EVC2: variants seen among roughly 807,000 people sequenced by gnomAD.
The protein encoded by EVC2 is EvC ciliary complex subunit 2, also known as limbin.
Under a neutral mutation model 149.3 loss-of-function variants are expected in EVC2, and 148 were observed. The ratio of observed to expected loss-of-function variants is 0.99; its 90% CI spans 0.87 to 1.14. The LOEUF (loss-of-function observed/expected upper bound fraction) is 1.14, where lower values mean the gene tolerates loss of function less well. Ranked by LOEUF, EVC2 falls within the 50% of genes most tolerant of loss-of-function variation. The probability of loss-of-function intolerance (pLI) is 0.00; values close to 1 mark genes in which losing one functional copy is unlikely to be tolerated. For synonymous variants in EVC2, 776 were observed against 649.9 expected, an observed-to-expected ratio of 1.19 and a Z score of -2.95; for missense variants, 1,854 against 1,627.3, an observed-to-expected ratio of 1.14 and a Z score of -2.40.
downstream of EVC2, among the ~76,000 whole-genome samples, chr4:5,542,435 A>G (rs766956222): frequency 2.0e-5 from 3 of 152,176 alleles, no homozygotes; most frequent in Non-Finnish European, 4.4e-5. Flanking sequence ...AGCCTGGGCA[A>G]TGGAGTGAGA....
intron 9 of EVC2, among the ~76,000 whole-genome samples, chr4:5,641,295 T>C (rs186073584): frequency 1.7e-4 from 26 of 152,310 alleles, no homozygotes; most frequent in African/African-American, 6.0e-4. Context: ...AAAATCTGAA[T>C]AAAGCATGGA....
Position 5,685,681 on chromosome 4 carries a change from G to A in EVC2, c.707-202C>T, listed in dbSNP as rs536491050. 6.0e-4 allele frequency among the ~76,000 whole-genome samples: 92 copies of A among 152,310 alleles called. 1 individual carries two copies. The highest frequency in any genetic ancestry group is 2.2e-3 in the African/African-American group (92 of 41,568). On this transcript the variant is annotated intron_variant, in intron 5 of 21. Coordinates refer to ENST00000344408, the MANE Select transcript of EVC2 (RefSeq NM_147127.5). The stretch of plus-strand genomic sequence containing the variant: ...GGGAATTCTCTGAGTAGTAAGCTGG[G>A]GAGAGTGAGCTGGGTGGACTCCTGG...
At chr4:5,668,793 A>G (rs116192838) in intron 7 of EVC2, among the ~76,000 whole-genome samples, 222 of 152,322 alleles carry the variant, frequency 1.5e-3, no homozygotes, top group Middle Eastern at 3.4e-3. Flanking sequence ...CAAAACGCCA[A>G]TCTCTGGGCT....
Position 5,708,341 on chromosome 4 carries a change from G to A in EVC2, c.173C>T (p.Pro58Leu), listed in dbSNP as rs1722350611. 3 of 1,483,212 alleles carry A rather than the reference G, an allele frequency of 2.0e-6. No individual in the cohort carries two copies. The highest frequency in any genetic ancestry group is 1.8e-4 in the Middle Eastern group (1 of 5,686). The allele number at this position is 1,483,212 out of a possible 1,614,324, so 91.9% of individuals were successfully genotyped here. Residue 58 changes from proline to leucine, a missense_variant, in exon 1 of 22, where the codon CCC becomes CTC. Coordinates refer to ENST00000344408, the MANE Select transcript of EVC2 (RefSeq NM_147127.5). Reference protein sequence around the residue: ...RDPQVAPRSGPGLRIPPGRSG... With the variant: ...RDPQVAPRSGLGLRIPPGRSG... ...CCGCCCCGGAGGGATCCTCAGGCCG[G>A]GCCCAGACCTAGGAGCCACCTGGGG... is the stretch of plus-strand genomic sequence containing the variant.
chr4:5,635,718 G>A (rs890552734), intron 10 of EVC2, among the ~76,000 whole-genome samples: 1 of 152,226 alleles, frequency 6.6e-6, no homozygotes, highest in Non-Finnish European at 1.5e-5. Flanking sequence ...GAAAATGTCA[G>A]AATTCTTGTG....
At chr4:5,666,151 T>C (rs1007193343) in intron 7 of EVC2, among the ~76,000 whole-genome samples, 21 of 152,240 alleles carry the variant, frequency 1.4e-4, no homozygotes, top group African/African-American at 4.8e-4. Context: ...TTCTGACTGG[T>C]GAGATTAGTG....
At chr4:5,552,404 T>C (rs1721754054) in intron 21 of EVC2, among the ~76,000 whole-genome samples, 1 of 152,222 alleles carries the variant, frequency 6.6e-6, no homozygotes, top group South Asian at 2.1e-4. Context: ...TTCTATTTCT[T>C]AGAGTTAATA....
intron 7 of EVC2, among the ~76,000 whole-genome samples, chr4:5,673,803 T>G (rs1165999222): frequency 6.6e-6 from 1 of 152,240 alleles, no homozygotes; most frequent in Non-Finnish European, 1.5e-5. Flanking sequence ...CTTCATTATG[T>G]ACTAAATATA....
chr4:5,637,253 A>G lies in EVC2; in HGVS notation c.1470+3261T>C, dbSNP rs146117905. Among the ~76,000 whole-genome samples, 436 of 152,298 alleles carry G rather than the reference A, an allele frequency of 2.9e-3. 2 individuals are homozygous for G. The highest frequency in any genetic ancestry group is 0.01 in the African/African-American group (427 of 41,554). ...AGAAACATTCTAGGTGCCCCACAGG[A>G]CGGGTTCACATGGGGCGCACAGCAG... On this transcript the variant is annotated intron_variant, in intron 10 of 21. Coordinates refer to ENST00000344408, the MANE Select transcript of EVC2 (RefSeq NM_147127.5). The surrounding 1 kb of genome is among the most constrained non-coding windows in gnomAD (Gnocchi z 4.4).
At position 5,562,681 on chromosome 4, in the gene EVC2, A is replaced by T; in HGVS notation, c.*167T>A. On this transcript the variant is annotated 3_prime_UTR_variant, in exon 22 of 22. Coordinates refer to ENST00000344408, the MANE Select transcript of EVC2 (RefSeq NM_147127.5). The surrounding 1 kb of genome is among the most constrained non-coding windows in gnomAD (Gnocchi z 4.3). ...AGTGGGCCATCTGGAAATTCATGAG[A>T]CAAGATTAAACCGAGTCCCTGCAAG... The T allele has an allele frequency of 6.8e-7, 1 of 1,480,758 alleles. No homozygotes were observed. The highest frequency in any genetic ancestry group is 8.9e-7 in the Non-Finnish European group (1 of 1,123,730). 91.7% of individuals were successfully genotyped at this position (1,480,758 alleles called of 1,614,324 possible). A position where few individuals can be genotyped will look rare whatever the true frequency, so the allele number is the denominator to read the frequency against.
rs545759430 is a variant in EVC2, at chr4:5,657,271, C to T, written c.1145+5836G>A. On this transcript the variant is annotated intron_variant, in intron 9 of 21. Coordinates refer to ENST00000344408, the MANE Select transcript of EVC2 (RefSeq NM_147127.5). The surrounding 1 kb of genome is among the most constrained non-coding windows in gnomAD (Gnocchi z 4.7). ...CCTCCTCTGCTGTCCTCACCTTGAA[C>T]TTCATTGAGAAGCATCTGACAGGTT... Among the ~76,000 whole-genome samples the T allele has an allele frequency of 2.5e-4, 38 of 152,254 alleles. No individual in the cohort carries two copies. Among genetic ancestry groups the T allele is most frequent in the African/African-American group, 9.1e-4 (38 of 41,554 alleles).
intron 1 of EVC2, among the ~76,000 whole-genome samples, chr4:5,705,105 G>C (rs1487978638): frequency 6.6e-6 from 1 of 152,122 alleles, no homozygotes; most frequent in Non-Finnish European, 1.5e-5. Context: ...CTGATTTTTT[G>C]TTGTTCTTTT....
intron 5 of EVC2, among the ~76,000 whole-genome samples, chr4:5,687,640 G>C (rs913587257): frequency 6.6e-6 from 1 of 152,188 alleles, no homozygotes; most frequent in Admixed American, 6.5e-5. Context: ...AGGTCCCAAA[G>C]AATAGAGATG....
At chr4:5,584,521 G>T in intron 17 of EVC2, 102 bp downstream of exon 17, 1 of 1,201,192 alleles carries the variant, frequency 8.3e-7, no homozygotes, top group Non-Finnish European at 1.2e-6. Context: ...CCACAGCACA[G>T]ACAGGACGGG....
downstream of EVC2, among the ~76,000 whole-genome samples, chr4:5,537,798 A>G (rs1420011511): frequency 6.6e-6 from 1 of 152,226 alleles, no homozygotes; most frequent in African/African-American, 2.4e-5. Flanking sequence ...CACATTTACT[A>G]GAGAGAAATT....
chr4:5,612,295 T>C (rs2108824148), intron 16 of EVC2, among the ~76,000 whole-genome samples: 1 of 152,328 alleles, frequency 6.6e-6, no homozygotes, highest in Non-Finnish European at 1.5e-5. Flanking sequence ...ATTCCCAGTT[T>C]TTCTCTTGGA....
chr4:5,668,440 T>A (rs1475103267), intron 7 of EVC2, among the ~76,000 whole-genome samples: 2 of 152,206 alleles, frequency 1.3e-5, no homozygotes, highest in African/African-American at 2.4e-5. Flanking sequence ...ATCCTCTTGA[T>A]CCTAAATCTT....
At chr4:5,641,538 G>A (rs1717328014) in intron 9 of EVC2, among the ~76,000 whole-genome samples, 1 of 152,174 alleles carries the variant, frequency 6.6e-6, no homozygotes, top group Non-Finnish European at 1.5e-5. Flanking sequence ...AAACCTGACT[G>A]GCGGTAGTTG....
chr4:5,697,128 C>T (rs1322965132), intron 2 of EVC2, among the ~76,000 whole-genome samples: 1 of 152,190 alleles, frequency 6.6e-6, no homozygotes, highest in African/African-American at 2.4e-5. Flanking sequence ...GCCATAGATG[C>T]TGGAAAAGGA....
Sources: gnomAD v4.1 joint callset for allele counts (sites outside exome capture counted in the v4.1 genomes callset) on GRCh38, gnomAD v4.1.1 for gene constraint, Gnocchi (gnomAD v3.1) non-coding constraint, MANE v1.5 for transcripts, NCBI Gene and HGNC (gene_info 2026-07-23, HGNC 2026-07-21) for gene names.